CAMKK2: variants seen among roughly 807,000 people sequenced by gnomAD.
CAMKK2 encodes the protein calcium/calmodulin dependent protein kinase kinase 2, also known as calcium/calmodulin-dependent protein kinase kinase 2.
In CAMKK2, 30 loss-of-function variants were observed where a neutral mutation model predicts 67.2. The ratio of observed to expected loss-of-function variants is 0.45; its 90% CI spans 0.33 to 0.61. The LOEUF (loss-of-function observed/expected upper bound fraction) is 0.61. Ranked by LOEUF, CAMKK2 falls within the 20% of genes least tolerant of loss-of-function variation. The probability of loss-of-function intolerance (pLI) is 0.02; values close to 1 mark genes in which losing one functional copy is unlikely to be tolerated. For missense variants in CAMKK2, 643 were observed against 802.0 expected (o/e 0.80, Z 2.39); for synonymous variants, 322 against 326.2 (o/e 0.99, Z 0.14).
chr12:121,290,545 C>A (rs1899779958), intron 1 of CAMKK2, among the ~76,000 whole-genome samples: 1 of 152,038 alleles, frequency 6.6e-6, no homozygotes, highest in Admixed American at 6.5e-5. Flanking sequence ...AAAATATTAG[C>A]CAGGCGTGGT....
At chr12:121,255,330 TTATATATAATTTTATATATATA>T (rs1891941747) in intron 9 of CAMKK2, among the ~76,000 whole-genome samples, 198 bp downstream of exon 9, 2 of 5,596 alleles carry the variant, frequency 3.6e-4, no homozygotes, top group African/African-American at 7.1e-4. Context: ...ATATATATAA[TTATATATAATTTTATATATATA>T]ATTATATATA....
At chr12:121,250,080 C>T (rs1890363084) in intron 11 of CAMKK2, 46 bp from the exon 12 acceptor site, 14 of 1,506,078 alleles carry the variant, frequency 9.3e-6, no homozygotes, top group Non-Finnish European at 1.3e-5. Flanking sequence ...GCGGCCACAT[C>T]TGCCCTTCGA....
rs957938960 is a variant in CAMKK2 at position 121,284,093 on chromosome 12, T to C, written c.-59-9508A>G. Among the ~76,000 whole-genome samples, 3 of 152,348 alleles carry C rather than the reference T, an allele frequency of 2.0e-5. 1 individual carries two copies. The highest frequency in any genetic ancestry group is 4.1e-4 in the South Asian group (2 of 4,830). On this transcript the variant is annotated intron_variant, in intron 1 of 16. Coordinates refer to ENST00000404169, the MANE Select transcript of CAMKK2 (RefSeq NM_001270485.2). ...CGCCCTCCCCTCGGCCCACATCTCA[T>C]GCCCTGCCTCTCCGCTACAGGTGTC...
chr12:121,266,328 T>C (rs1894520368), intron 5 of CAMKK2, among the ~76,000 whole-genome samples: 1 of 151,646 alleles, frequency 6.6e-6, no homozygotes, highest in South Asian at 2.1e-4. Flanking sequence ...CACCATTTGT[T>C]ATTTTGTTAA....
At chr12:121,271,307 C>T (rs1593414402) in intron 2 of CAMKK2, among the ~76,000 whole-genome samples, 1 of 146,940 alleles carries the variant, frequency 6.8e-6, no homozygotes, top group Non-Finnish European at 1.5e-5. Flanking sequence ...CAACTAGATA[C>T]ATTTCTCCAA....
intron 6 of CAMKK2, among the ~76,000 whole-genome samples, chr12:121,262,522 A>AG (rs1314626501): frequency 6.6e-6 from 1 of 152,002 alleles, no homozygotes; most frequent in East Asian, 1.9e-4. Flanking sequence ...AAAAAAAAAA[A>AG]AATGTATTAC....
chr12:121,292,268 G>A (rs567205398), intron 1 of CAMKK2, among the ~76,000 whole-genome samples: 1 of 151,698 alleles, frequency 6.6e-6, no homozygotes, highest in South Asian at 2.1e-4. Flanking sequence ...TGGGATTACA[G>A]GCACAAGCTA....
chr12:121,279,860 G>C (rs1361386319), intron 1 of CAMKK2, among the ~76,000 whole-genome samples: 3 of 152,254 alleles, frequency 2.0e-5, no homozygotes, highest in Non-Finnish European at 2.9e-5. Flanking sequence ...CCAGGAAGCT[G>C]AGTGGCGCAG....
intron 3 of CAMKK2, among the ~76,000 whole-genome samples, 161 bp downstream of exon 3, chr12:121,270,737 C>T (rs950951854): frequency 6.6e-6 from 1 of 152,096 alleles, no homozygotes; most frequent in South Asian, 2.1e-4. Flanking sequence ...TACAAGAAAA[C>T]AAAACTAAAC....
At position 121,239,374 on chromosome 12, in the gene CAMKK2, G is replaced by C. The variant is rs1887984647; in HGVS notation, c.*1325C>G. ...ACCTCAACCAAACTTCCCAATATCA[G>C]TTGGAAGTCAAAAAGATGAACCCTT... On this transcript the variant is annotated 3_prime_UTR_variant, in exon 17 of 17. Coordinates refer to ENST00000404169, the MANE Select transcript of CAMKK2 (RefSeq NM_001270485.2). 1 of 152,244 alleles carries C rather than the reference G, an allele frequency of 6.6e-6. No individual in the cohort carries two copies. The highest frequency in any genetic ancestry group is 6.5e-5 in the Admixed American group (1 of 15,292). The allele number at this position is 152,244 out of a possible 1,614,324, so 9.4% of individuals were successfully genotyped here. A position where few individuals can be genotyped will look rare whatever the true frequency, so the allele number is the denominator to read the frequency against.
rs1890252690 is a variant in CAMKK2 at position 121,249,691 on chromosome 12, G to A, written c.1323+96C>T. ...CATAGGAGAACAGCGGTGCCAAGGA[G>A]GGTGTGGTGCTGTGGACACAAGGGT... On this transcript the variant is annotated intron_variant, in intron 13 of 16. Coordinates refer to ENST00000404169, the MANE Select transcript of CAMKK2 (RefSeq NM_001270485.2). The A allele has an allele frequency of 2.8e-5, 28 of 986,854 alleles. 1 individual carries two copies. The South Asian group carries it at 3.2e-4, about 11-fold the overall frequency. The allele number at this position is 986,854 out of a possible 1,614,324, so 61.1% of individuals were successfully genotyped here. A position where few individuals can be genotyped will look rare whatever the true frequency, so the allele number is the denominator to read the frequency against.
intron 5 of CAMKK2, among the ~76,000 whole-genome samples, chr12:121,265,510 G>A (rs1005644026): frequency 2.6e-5 from 4 of 152,056 alleles, no homozygotes; most frequent in African/African-American, 9.7e-5. Context: ...TTAGGAGATG[G>A]GACATTTGGG....
At chr12:121,249,204 A>C (rs1714071629) in intron 13 of CAMKK2, among the ~76,000 whole-genome samples, 1 of 152,218 alleles carries the variant, frequency 6.6e-6, no homozygotes, top group Admixed American at 6.5e-5. Flanking sequence ...CCAAGCCCCA[A>C]TCCATGATTT....
At chr12:121,286,666 C>T (rs1034199405) in intron 1 of CAMKK2, among the ~76,000 whole-genome samples, 3 of 152,060 alleles carry the variant, frequency 2.0e-5, no homozygotes, top group African/African-American at 7.3e-5. Flanking sequence ...ACCTCAGCCC[C>T]CCAAGTAGCT....
At chr12:121,243,900 A>C in intron 16 of CAMKK2, 2 of 1,400,416 alleles carry the variant, frequency 1.4e-6, no homozygotes, top group South Asian at 1.6e-5. Context: ...GCTCAGTGGG[A>C]AGGGCAGTGG....
chr12:121,297,346 C>T, upstream of CAMKK2: 1 of 318,712 alleles, frequency 3.1e-6, no homozygotes, highest in Non-Finnish European at 6.3e-6. Flanking sequence ...CGGGGGAGCC[C>T]CCTTCCGCAG....
At chr12:121,268,043 C>T (rs1441608947) in intron 5 of CAMKK2, among the ~76,000 whole-genome samples, 1 of 131,686 alleles carries the variant, frequency 7.6e-6, no homozygotes, top group Non-Finnish European at 1.6e-5. Context: ...TGAATTGGTA[C>T]TTCATTACTT....
chr12:121,292,152 G>C (rs1450133326), intron 1 of CAMKK2, among the ~76,000 whole-genome samples: 1 of 151,234 alleles, frequency 6.6e-6, no homozygotes, highest in Non-Finnish European at 1.5e-5. Flanking sequence ...TTGAGAAGGA[G>C]TCTTGCTTTG....
Position 121,253,296 on chromosome 12 carries a change from T to A in CAMKK2, c.1084A>T (p.Thr362Ser), listed in dbSNP as rs1174774660. Residue 362 changes from threonine (T) to serine (S), a missense_variant, in exon 10 of 17, where the codon ACC becomes TCC. Coordinates refer to ENST00000404169, the MANE Select transcript of CAMKK2 (RefSeq NM_001270485.2). This position sits in a 1 kb window ranked among gnomAD's most constrained non-coding sequence, Gnocchi z 5.0. The stretch of plus-strand genomic sequence containing the variant: ...ACCTTCCCAGAGAAGATCTTGCGGG[T>A]CTCAGAGAGCGACTCGGGTGCCATG... ...AFMAPESLSETRKIFSGKALD... is the reference protein window; with the variant it reads ...AFMAPESLSESRKIFSGKALD... The A allele has an allele frequency of 6.2e-7, 1 of 1,614,162 alleles. No homozygotes were observed. Among genetic ancestry groups the A allele is most frequent in the East Asian group, 2.2e-5 (1 of 44,880 alleles).
Sources: gnomAD v4.1 joint callset for allele counts (sites outside exome capture counted in the v4.1 genomes callset) on GRCh38, gnomAD v4.1.1 for gene constraint, Gnocchi (gnomAD v3.1) non-coding constraint, MANE v1.5 for transcripts, NCBI Gene and HGNC (gene_info 2026-07-23, HGNC 2026-07-21) for gene names.